Variants in NUDC observed in about 807,000 individuals in gnomAD.
The protein encoded by NUDC is nuclear migration protein nudC.
Under a neutral mutation model 45.0 loss-of-function variants are expected in NUDC, and 14 were observed. The observed-to-expected ratio is 0.31, with a 90% CI of 0.21 to 0.49. The LOEUF is 0.49. NUDC is among the 20% of genes least tolerant of loss of function. The probability of loss-of-function intolerance (pLI) is 0.99; values close to 1 mark genes in which losing one functional copy is unlikely to be tolerated. For missense variants in NUDC, 323 were observed against 426.2 expected (o/e 0.76, Z 2.13); for synonymous variants, 153 against 156.7 (o/e 0.98, Z 0.17).
At chr1:26,941,409 G>A in intron 2 of NUDC, 48 bp from the exon 3 acceptor site, 1 of 1,594,076 alleles carries the variant, frequency 6.3e-7, no homozygotes, top group Non-Finnish European at 8.6e-7. Flanking sequence ...CAGGCTGTGG[G>A]ACACTGTCCC....
intron 3 of NUDC, chr1:26,914,047 G>T: frequency 2.2e-6 from 2 of 894,806 alleles, no homozygotes; most frequent in South Asian, 4.5e-5. Flanking sequence ...CAACAACCTT[G>T]ACTCCAGAAG....
chr1:26,901,161 G>A (rs545948062), intron 1 of NUDC, among the ~76,000 whole-genome samples: 4 of 152,114 alleles, frequency 2.6e-5, no homozygotes, highest in Non-Finnish European at 4.4e-5. Flanking sequence ...CTCAGCACTT[G>A]TAGGTAATAT....
chr1:26,908,040 G>C (rs535241182), intron 2 of NUDC, among the ~76,000 whole-genome samples: 2 of 152,164 alleles, frequency 1.3e-5, no homozygotes, highest in African/African-American at 2.4e-5. Flanking sequence ...TTAGCCAGGC[G>C]TGGTGGTGGG....
rs765321141 is a variant in NUDC, at chr1:26,913,687, C to T, written c.93+2452C>T. 6.5e-5 allele frequency: 105 copies of T among 1,612,692 alleles called. No homozygotes were observed. Among genetic ancestry groups the T allele is most frequent in the Non-Finnish European group, 8.0e-5 (94 of 1,179,214 alleles). ...GCCCCAGCAACCCTGCAGCAGCCGC[C>T]GCTGGTCCTGGGGAGGCAGCTGCCA... On this transcript the variant is annotated intron_variant, in intron 3 of 6. Coordinates refer to the NUDC transcript ENST00000435827.
intron 1 of NUDC, chr1:26,900,430 CG>C: frequency 3.7e-6 from 6 of 1,608,916 alleles, no homozygotes; most frequent in Non-Finnish European, 5.1e-6. Context: ...TCCGCCTCGC[CG>C]GGCACCGCCA....
chr1:26,931,116 T>G (rs934313631), intron 2 of NUDC, among the ~76,000 whole-genome samples: 2 of 151,826 alleles, frequency 1.3e-5, no homozygotes, highest in Admixed American at 6.6e-5. Context: ...CTCGCTCTGT[T>G]GCCCAGCCTG....
At chr1:26,913,071 G>A (rs1003083219) in intron 3 of NUDC, among the ~76,000 whole-genome samples, 4 of 152,118 alleles carry the variant, frequency 2.6e-5, no homozygotes, top group Non-Finnish European at 4.4e-5. Flanking sequence ...TCACCTGAGG[G>A]GTTAGGAGTT....
upstream of NUDC, among the ~76,000 whole-genome samples, chr1:26,920,649 T>C (rs993392483): frequency 6.6e-6 from 1 of 151,586 alleles, no homozygotes; most frequent in South Asian, 2.1e-4. Context: ...GGGCTGGGCA[T>C]GGTGGCTCAC....
intron 2 of NUDC, among the ~76,000 whole-genome samples, chr1:26,906,077 C>A (rs989607228): frequency 1.3e-5 from 2 of 152,044 alleles, no homozygotes; most frequent in African/African-American, 2.4e-5. Context: ...AGGTTGGGAG[C>A]TTGAGACCAG....
At chr1:26,906,233 C>T (rs943290400) in intron 2 of NUDC, among the ~76,000 whole-genome samples, 2 of 151,524 alleles carry the variant, frequency 1.3e-5, no homozygotes, top group African/African-American at 2.4e-5. Flanking sequence ...GAGCTGAGAT[C>T]GCGCCACTGA....
intron 1 of NUDC, chr1:26,900,534 T>A (rs2081973179): frequency 9.6e-7 from 1 of 1,043,078 alleles, no homozygotes; most frequent in Non-Finnish European, 1.4e-6. Flanking sequence ...GTGAAAATTC[T>A]AACTAGTCCT....
rs1326988461 is a variant in NUDC, at chr1:26,946,496, C to CA, written c.*316dup. The CA allele has an allele frequency of 1.2e-5, 5 of 428,418 alleles. No individual in the cohort carries two copies. Among genetic ancestry groups the CA allele is most frequent in the African/African-American group, 2.0e-5 (1 of 49,358 alleles). 26.5% of individuals were successfully genotyped at this position (428,418 alleles called of 1,614,324 possible). ...GTTTGGCTTCTAGCCCAGATTCTGC[C>CA]ATGTGACCTAGGGCACATCCTTGCC... On this transcript the variant is annotated 3_prime_UTR_variant, in exon 9 of 9. Coordinates refer to ENST00000321265, the MANE Select transcript of NUDC (RefSeq NM_006600.4).
chr1:26,922,066 C>T (rs2082096105), intron 1 of NUDC, 137 bp downstream of exon 1: 3 of 913,978 alleles, frequency 3.3e-6, no homozygotes, highest in Non-Finnish European at 5.0e-6. Flanking sequence ...CTGCGCCCAG[C>T]TTCCGGCCTG....
intron 2 of NUDC, among the ~76,000 whole-genome samples, chr1:26,926,671 C>T (rs913410365): frequency 6.6e-6 from 1 of 152,014 alleles, no homozygotes. Flanking sequence ...ACGATCTCAG[C>T]CCACTGCAAC....
At chr1:26,934,581 C>T (rs916363072) in intron 2 of NUDC, among the ~76,000 whole-genome samples, 2 of 152,140 alleles carry the variant, frequency 1.3e-5, no homozygotes, top group Non-Finnish European at 2.9e-5. Context: ...CAGTCCAAAG[C>T]TCATCTGTGA....
chr1:26,913,927 TGGCTGG>T, intron 3 of NUDC: 2 of 1,478,254 alleles, frequency 1.4e-6, no homozygotes, highest in Non-Finnish European at 1.8e-6. Context: ...GGCCCCTGGT[TGGCTGG>T]TGCTCATGGT....
At chr1:26,909,916 G>A (rs2082018523) in intron 2 of NUDC, among the ~76,000 whole-genome samples, 1 of 152,092 alleles carries the variant, frequency 6.6e-6, no homozygotes, top group Non-Finnish European at 1.5e-5. Flanking sequence ...TGAGCTGAGA[G>A]GAGGAGGGAC....
At chr1:26,927,409 T>TC (rs2082143432) in intron 2 of NUDC, among the ~76,000 whole-genome samples, 2 of 150,650 alleles carry the variant, frequency 1.3e-5, no homozygotes, top group East Asian at 1.9e-4. Flanking sequence ...CTTTTTTTTT[T>TC]TTTTTTGAGA....
intron 1 of NUDC, among the ~76,000 whole-genome samples, chr1:26,923,591 T>C (rs2082108607): frequency 6.6e-6 from 1 of 152,102 alleles, no homozygotes; most frequent in Non-Finnish European, 1.5e-5. Context: ...TGCCTCAGCC[T>C]CCCAAGTAGC....
Sources: allele counts gnomAD v4.1 joint callset (sites outside exome capture counted in the v4.1 genomes callset), GRCh38; gene constraint gnomAD v4.1.1; transcripts MANE v1.5; gene names NCBI Gene and HGNC (gene_info 2026-07-23, HGNC 2026-07-21).